The following GOLGA6D variants were observed in gnomAD, a reference collection of about 807,000 sequenced individuals.
The protein encoded by GOLGA6D is golgin A6 family member D, also known as golgin subfamily A member 6D.
In GOLGA6D, 9 loss-of-function variants were observed where a neutral mutation model predicts 42.1. The ratio of observed to expected loss-of-function variants is 0.21; its 90% confidence interval spans 0.13 to 0.37. The LOEUF (loss-of-function observed/expected upper bound fraction) is 0.37, where lower values mean the gene tolerates loss of function less well. GOLGA6D is among the 10% of genes least tolerant of loss of function. The pLI is 1.00. For synonymous variants in GOLGA6D, 39 were observed against 167.3 expected (o/e 0.23, Z 5.92); for missense variants, 87 against 420.8 (o/e 0.21, Z 6.94).
chr15:75,294,410 T>A lies in GOLGA6D; in HGVS notation c.2017T>A (p.Ser673Thr). ...EPAPGVAREG[S>T]PHNNPTVQQI... ...TGCACCAGGAGTGGCCAGGGAGGGT[T>A]CTCCCCATAACAACCCCACTGTACA... Residue 673 changes from serine to threonine, a missense_variant, in exon 18 of 18, where the codon TCT (serine) becomes ACT (threonine). Ser to Thr is a moderately conservative substitution (Grantham distance 58). Coordinates refer to ENST00000434739, the MANE Select transcript of GOLGA6D (RefSeq NM_001145224.3). 3 of 1,598,156 alleles carry A rather than the reference T, an allele frequency of 1.9e-6. No individual in the cohort carries two copies. Among genetic ancestry groups the A allele is most frequent in the Non-Finnish European group, 2.6e-6 (3 of 1,175,242 alleles).
intron 7 of GOLGA6D, among the ~76,000 whole-genome samples, chr15:75,288,720 GGTGT>G (rs59539121): frequency 0.15 from 16,750 of 114,194 alleles, 1,231 homozygotes; most frequent in Non-Finnish European, 0.21. Flanking sequence ...AGAGGAAAGG[GGTGT>G]GTGTGTGTGT....
intron 7 of GOLGA6D, among the ~76,000 whole-genome samples, chr15:75,288,791 TA>T (rs2070866185): frequency 7.0e-6 from 1 of 141,948 alleles, no homozygotes; most frequent in Non-Finnish European, 1.5e-5. Context: ...CAAGCATTCA[TA>T]AAAAACTCAG....
At chr15:75,293,491 T>G (rs546634191) in intron 14 of GOLGA6D, among the ~76,000 whole-genome samples, 4 of 137,974 alleles carry the variant, frequency 2.9e-5, no homozygotes, top group South Asian at 2.3e-4. Flanking sequence ...GCGGAAGGTG[T>G]GAAGGCTGTG....
chr15:75,293,323 ACT>A (rs1435910838), intron 14 of GOLGA6D, among the ~76,000 whole-genome samples, 159 bp downstream of exon 14: 1 of 135,944 alleles, frequency 7.4e-6, no homozygotes, highest in Admixed American at 7.3e-5. Flanking sequence ...CAACAGGTGC[ACT>A]CTCTGAGGCC....
At chr15:75,278,113 A>ACACATATACAC (rs1403540949), upstream of GOLGA6D, among the ~76,000 whole-genome samples, 1 of 106,328 alleles carries the variant, frequency 9.4e-6, no homozygotes, top group Non-Finnish European at 1.8e-5. Flanking sequence ...GAAGAGTTTC[A>ACACATATACAC]CACATATACA....
At chr15:75,276,134 G>A in the GOLGA6D span, among the ~76,000 whole-genome samples, 1 of 151,786 alleles carries the variant, frequency 6.6e-6, no homozygotes, top group Non-Finnish European at 1.5e-5. Flanking sequence ...GAGGTGGGCT[G>A]GAGGTGTGTC....
At chr15:75,293,565 C>A (rs2070884927) in intron 14 of GOLGA6D, among the ~76,000 whole-genome samples, 164 bp from the exon 15 acceptor site, 1 of 144,552 alleles carries the variant, frequency 6.9e-6, no homozygotes, top group South Asian at 2.2e-4. Context: ...AGGCCCCAGC[C>A]CCAGGGAGGA....
chr15:75,278,746 AT>A (rs1242047817), upstream of GOLGA6D, among the ~76,000 whole-genome samples: 1 of 151,862 alleles, frequency 6.6e-6, no homozygotes, highest in East Asian at 1.9e-4. Flanking sequence ...AAGTTGAGAG[AT>A]TCCCTGGTCC....
rs749328292 is a variant in GOLGA6D at position 75,294,433 on chromosome 15, A to G, written c.2040A>G (p.Val680=). Residue 680 remains valine (V), a synonymous_variant, in exon 18 of 18, where the codon GTA becomes GTG. Transcript: ENST00000434739. ...GTTCTCCCCATAACAACCCCACTGT[A>G]CAGCAGATCGTGCAGCTGTCTCCTG... ...REGSPHNNPT[V]QQIVQLSPVM... is the part of the protein sequence containing the mutation. The G allele has an allele frequency of 3.1e-6, 5 of 1,597,914 alleles. No homozygotes were observed. In the Admixed American group the frequency reaches 8.4e-5, roughly 27 times the overall value.
rs1225886348 is a variant in GOLGA6D at position 75,294,660 on chromosome 15, C to T, written c.*185C>T. On this transcript the variant is annotated 3_prime_UTR_variant, in exon 18 of 18. Transcript: ENST00000434739. Reference sequence around the variant, plus strand: ...ACTCCATTTGAATGCTAGAGCCACTCACTTTTATTTGTGTTTCTAATTTAC... The same window carrying T: ...ACTCCATTTGAATGCTAGAGCCACTTACTTTTATTTGTGTTTCTAATTTAC... 3.9e-6 allele frequency: 4 copies of T among 1,014,788 alleles called. No homozygotes were observed. The highest frequency in any genetic ancestry group is 3.3e-5 in the Admixed American group (1 of 30,234). 62.9% of individuals were successfully genotyped at this position (1,014,788 alleles called of 1,614,324 possible). A position where few individuals can be genotyped will look rare whatever the true frequency, so the allele number is the denominator to read the frequency against.
intron 17 of GOLGA6D, 33 bp downstream of exon 17, chr15:75,294,294 A>G: frequency 6.6e-7 from 1 of 1,508,684 alleles, no homozygotes; most frequent in Non-Finnish European, 8.9e-7. Flanking sequence ...GTGGGCAGGC[A>G]GGGGCAGGGG....
chr15:75,295,425 T>G lies in GOLGA6D; in HGVS notation c.*950T>G, dbSNP rs1428844470. 3.7e-5 allele frequency: 5 copies of G among 135,536 alleles called. No individual in the cohort carries two copies. Among genetic ancestry groups the G allele is most frequent in the East Asian group, 2.1e-4 (1 of 4,772 alleles). The allele number at this position is 135,536 out of a possible 1,614,324, so 8.4% of individuals were successfully genotyped here. A position where few individuals can be genotyped will look rare whatever the true frequency, so the allele number is the denominator to read the frequency against. ...GTGGATGTGGAAAACCTTTTCTAGC[T>G]TAGAGCATTTATATCTACAATACAT... On this transcript the variant is annotated 3_prime_UTR_variant, in exon 18 of 18. Transcript: ENST00000434739.
intron 8 of GOLGA6D, 35 bp from the exon 9 acceptor site, chr15:75,289,557 C>A: frequency 1.6e-6 from 1 of 625,354 alleles, no homozygotes; most frequent in East Asian, 2.9e-5. Flanking sequence ...GGACCAGTGA[C>A]AGCCCTTCCT....
rs772483931 is a variant in GOLGA6D, at chr15:75,294,447, A to G, written c.2054A>G (p.Gln685Arg). The G allele has an allele frequency of 1.9e-6, 3 of 1,597,298 alleles. No homozygotes were observed. Among genetic ancestry groups the G allele is most frequent in the South Asian group, 2.2e-5 (2 of 90,498 alleles). The change falls in exon 18 of 18, where the codon CAG becomes CGG. Residue 685 changes from glutamine to arginine, a missense_variant. Physicochemically the swap from Gln to Arg is conservative, Grantham distance 43. Transcript: ENST00000434739. ...HNNPTVQQIV[Q>R]LSPVMQDT ...AACCCCACTGTACAGCAGATCGTGC[A>G]GCTGTCTCCTGTCATGCAGGACACC...
At chr15:75,289,344 A>T in intron 7 of GOLGA6D, 53 bp from the exon 8 acceptor site, 1 of 1,524,850 alleles carries the variant, frequency 6.6e-7, no homozygotes, top group Non-Finnish European at 8.9e-7. Flanking sequence ...AGCCCTTTTA[A>T]GGGGCACTGC....
Position 75,294,293 on chromosome 15 carries a change from C to T in GOLGA6D, c.1954+32C>T. 2.0e-6 allele frequency: 3 copies of T among 1,527,786 alleles called. No homozygotes were observed. In the South Asian group the frequency reaches 3.6e-5, roughly 19 times the overall value. The allele number at this position is 1,527,786 out of a possible 1,614,324, so 94.6% of individuals were successfully genotyped here. A position where few individuals can be genotyped will look rare whatever the true frequency, so the allele number is the denominator to read the frequency against. ...AGAGCTCTCAGGCGGGGTGGGCAGG[C>T]AGGGGCAGGGGAGGCTCGCACTGTG... is the stretch of plus-strand genomic sequence containing the variant. On this transcript the variant is annotated intron_variant, in intron 17 of 17. Transcript: ENST00000434739.
upstream of GOLGA6D, among the ~76,000 whole-genome samples, chr15:75,278,733 A>C (rs1251632072): frequency 6.6e-6 from 1 of 151,858 alleles, no homozygotes; most frequent in African/African-American, 2.4e-5. Flanking sequence ...AGGATACTCT[A>C]GAAAGTTGAG....
the GOLGA6D span, among the ~76,000 whole-genome samples, chr15:75,277,829 G>T: frequency 6.6e-6 from 1 of 151,752 alleles, no homozygotes; most frequent in African/African-American, 2.4e-5. Context: ...ACTGTTTTGG[G>T]GTTTTCTGGG....
At chr15:75,286,088 C>CT (rs1181836264) in intron 2 of GOLGA6D, among the ~76,000 whole-genome samples, 11 of 79,584 alleles carry the variant, frequency 1.4e-4, no homozygotes, top group Non-Finnish European at 2.1e-4. Flanking sequence ...GATTTGGGCT[C>CT]TTTTTTTTTT....
Sources: gnomAD v4.1 joint callset for allele counts (sites outside exome capture counted in the v4.1 genomes callset) on GRCh38, gnomAD v4.1.1 for gene constraint, MANE v1.5 for transcripts, NCBI Gene and HGNC (gene_info 2026-07-23, HGNC 2026-07-21) for gene names.